Variants in CPED1 observed in about 807,000 individuals in gnomAD.
CPED1 encodes the protein cadherin-like and PC-esterase domain-containing protein 1.
Under a neutral mutation model 128.2 loss-of-function variants are expected in CPED1, and 114 were observed. The ratio of observed to expected loss-of-function variants is 0.89; its 90% CI spans 0.76 to 1.04. The LOEUF (loss-of-function observed/expected upper bound fraction) is 1.04. Ranked by LOEUF, CPED1 falls within the 50% of genes least tolerant of loss-of-function variation. The pLI is 0.00. For missense variants in CPED1, 1,211 were observed against 1,207.1 expected (o/e 1.00, Z -0.05); for synonymous variants, 462 against 426.7 (o/e 1.08, Z -1.02).
chr7:121,256,724 C>T (rs1562853034), intron 18 of CPED1, among the ~76,000 whole-genome samples: 1 of 151,936 alleles, frequency 6.6e-6, no homozygotes, highest in Non-Finnish European at 1.5e-5. Flanking sequence ...TTATTTCCTT[C>T]CCAAAGGAAA....
At chr7:121,060,605 C>A (rs1434015554) in intron 4 of CPED1, among the ~76,000 whole-genome samples, 2 of 152,154 alleles carry the variant, frequency 1.3e-5, no homozygotes, top group African/African-American at 4.8e-5. Context: ...CACTCTGTAT[C>A]TAGCTAATCT....
In CPED1 at chr7:121,124,452, T is replaced by C; in HGVS notation, c.1040T>C (p.Leu347Pro). Residue 347 changes from leucine to proline, a missense_variant, in exon 8 of 23, where the codon CTG becomes CCG. Coordinates refer to ENST00000310396, the MANE Select transcript of CPED1 (RefSeq NM_024913.5). ...GAAGTATTCAGTGAAACATCTACTC[T>C]GGGACCAAAGACCTTCCATAGGTAA... ...AAEVFSETST[L>P]GPKTFHRCRF... is the part of the protein sequence containing the mutation. 1 of 1,564,148 alleles carries C rather than the reference T, an allele frequency of 6.4e-7. No individual in the cohort carries two copies. Among genetic ancestry groups the C allele is most frequent in the Non-Finnish European group, 8.7e-7 (1 of 1,154,522 alleles).
At chr7:121,121,756 AATTGTTCAGGTTCTGGTGGCAT>A (rs1429871602) in intron 7 of CPED1, among the ~76,000 whole-genome samples, 1 of 152,182 alleles carries the variant, frequency 6.6e-6, no homozygotes, top group Non-Finnish European at 1.5e-5. Context: ...GCATGGGTGA[AATTGTTCAGGTTCTGGTGGCAT>A]TTGAATGGAA....
At chr7:121,114,932 G>T (rs1393099123) in intron 7 of CPED1, among the ~76,000 whole-genome samples, 2 of 152,182 alleles carry the variant, frequency 1.3e-5, no homozygotes, top group South Asian at 2.1e-4. Context: ...TTGATTAATT[G>T]TTATGTCCTT....
intron 7 of CPED1, among the ~76,000 whole-genome samples, chr7:121,105,367 C>T (rs1462946736): frequency 1.3e-5 from 2 of 152,032 alleles, no homozygotes; most frequent in Non-Finnish European, 2.9e-5. Flanking sequence ...TATAAAGTGA[C>T]AGTATGGTTT....
At chr7:121,024,119 A>C (rs1412549979) in intron 3 of CPED1, among the ~76,000 whole-genome samples, 1 of 152,126 alleles carries the variant, frequency 6.6e-6, no homozygotes, top group African/African-American at 2.4e-5. Flanking sequence ...TATTTTCCTC[A>C]GTGCTTATAG....
At chr7:121,218,286 A>G (rs1463248269) in intron 16 of CPED1, among the ~76,000 whole-genome samples, 1 of 151,738 alleles carries the variant, frequency 6.6e-6, no homozygotes, top group Admixed American at 6.6e-5. Flanking sequence ...AAAAATCGCA[A>G]TTACTTTTAC....
At chr7:121,005,300 G>A (rs1275077020) in intron 2 of CPED1, among the ~76,000 whole-genome samples, 6 of 152,106 alleles carry the variant, frequency 3.9e-5, no homozygotes, top group Non-Finnish European at 5.9e-5. Flanking sequence ...CGGTGTTTAC[G>A]TGCCACATTT....
At chr7:121,265,048 A>G (rs1792093829) in intron 18 of CPED1, among the ~76,000 whole-genome samples, 1 of 152,072 alleles carries the variant, frequency 6.6e-6, no homozygotes, top group African/African-American at 2.4e-5. Flanking sequence ...GGCTAGGGGC[A>G]CTGGATGAGA....
At chr7:121,104,029 G>C (rs1794913171) in intron 7 of CPED1, among the ~76,000 whole-genome samples, 1 of 151,994 alleles carries the variant, frequency 6.6e-6, no homozygotes, top group African/African-American at 2.4e-5. Flanking sequence ...AAAAATTTTA[G>C]TGTTAGATGT....
At chr7:121,183,071 A>C (rs965296585) in intron 16 of CPED1, among the ~76,000 whole-genome samples, 2 of 152,034 alleles carry the variant, frequency 1.3e-5, no homozygotes, top group South Asian at 4.1e-4. Flanking sequence ...TGCAGTTATT[A>C]ATAGTTAGAT....
At chr7:121,244,496 A>G (rs1451450129) in intron 18 of CPED1, among the ~76,000 whole-genome samples, 158 bp downstream of exon 18, 1 of 152,256 alleles carries the variant, frequency 6.6e-6, no homozygotes. Context: ...AGATGTTATC[A>G]TAGAATAGCC....
At chr7:121,093,483 C>T (rs73717446) in intron 5 of CPED1, among the ~76,000 whole-genome samples, 1 of 151,358 alleles carries the variant, frequency 6.6e-6, no homozygotes, top group Non-Finnish European at 1.5e-5. Context: ...AGGGCCAAAA[C>T]TTGTATTTAC....
At position 120,997,993 on chromosome 7, in the gene CPED1, G is replaced by A. The variant is rs116853541; in HGVS notation, c.249+8123G>A. Among the ~76,000 whole-genome samples, 25 of 151,126 alleles carry A rather than the reference G, an allele frequency of 1.7e-4. No individual in the cohort carries two copies. In the East Asian group the frequency reaches 4.8e-3, roughly 29 times the overall value. The stretch of plus-strand genomic sequence containing the variant: ...AAAATAAAATAAAAAATAAAAAGAA[G>A]AGGACAGCATAGGAAGACAGAGACA... On this transcript the variant is annotated intron_variant, in intron 2 of 22. Coordinates refer to ENST00000310396, the MANE Select transcript of CPED1 (RefSeq NM_024913.5).
chr7:121,064,364 C>G, intron 5 of CPED1, 51 bp downstream of exon 5: 1 of 1,289,914 alleles, frequency 7.8e-7, no homozygotes, highest in Non-Finnish European at 1.1e-6. Context: ...TATGCAGGCT[C>G]CCTTAGCAGA....
chr7:121,150,852 T>G (rs988534195), intron 16 of CPED1, among the ~76,000 whole-genome samples: 3 of 152,038 alleles, frequency 2.0e-5, no homozygotes, highest in African/African-American at 7.2e-5. Context: ...CACTGCAACC[T>G]CCACCTCCTG....
intron 18 of CPED1, among the ~76,000 whole-genome samples, chr7:121,245,448 C>T (rs976296883): frequency 6.6e-6 from 1 of 152,104 alleles, no homozygotes; most frequent in Non-Finnish European, 1.5e-5. Flanking sequence ...TCCCACCAGA[C>T]TGTAAGCTTC....
rs750206720 is a variant in CPED1, at chr7:121,141,987, C to G, written c.1901C>G (p.Pro634Arg). The stretch of plus-strand genomic sequence containing the variant: ...TTTCTCTCCAGCTTTGCCAGCTACC[C>G]TCTGGGCTTAGGAATGAACAAAATC... ...EQAGPSFASYPLGLGMNKISI... is the reference protein window; with the variant it reads ...EQAGPSFASYRLGLGMNKISI... Residue 634 changes from proline (P) to arginine (R), a missense_variant, in exon 16 of 23, where the codon CCT becomes CGT. Coordinates refer to ENST00000310396, the MANE Select transcript of CPED1 (RefSeq NM_024913.5). 6 of 1,612,104 alleles carry G rather than the reference C, an allele frequency of 3.7e-6. No homozygotes were observed. Among genetic ancestry groups the G allele is most frequent in the South Asian group, 1.1e-5 (1 of 90,970 alleles).
At chr7:121,095,996 ACT>A (rs1384448067) in intron 5 of CPED1, among the ~76,000 whole-genome samples, 2 of 152,106 alleles carry the variant, frequency 1.3e-5, no homozygotes, top group Non-Finnish European at 2.9e-5. Flanking sequence ...TGAAAACATA[ACT>A]CTATTTAGTA....
Sources: gnomAD v4.1 joint callset for allele counts (sites outside exome capture counted in the v4.1 genomes callset) on GRCh38, gnomAD v4.1.1 for gene constraint, MANE v1.5 for transcripts, NCBI Gene and HGNC (gene_info 2026-07-23, HGNC 2026-07-21) for gene names.